The following TLE4 variants were observed in gnomAD, a reference collection of about 807,000 sequenced individuals.
The protein encoded by TLE4 is TLE family member 4, transcriptional corepressor.
TLE4 carries 8 observed loss-of-function variants against 92.8 expected under a neutral mutation model. That is an observed-to-expected ratio of 0.09 (90% CI 0.05 to 0.16). TLE4 has a LOEUF of 0.16. TLE4 is among the 10% of genes least tolerant of loss of function. The probability of loss-of-function intolerance (pLI) is 1.00; values close to 1 mark genes in which losing one functional copy is unlikely to be tolerated. For missense variants in TLE4, 675 were observed against 997.6 expected (o/e 0.68, Z 4.36); for synonymous variants, 371 against 374.1 (o/e 0.99, Z 0.10).
intron 6 of TLE4, chr9:79,649,797 G>T: frequency 7.3e-7 from 1 of 1,362,458 alleles, no homozygotes; most frequent in Non-Finnish European, 9.8e-7. Context: ...ACGATGAGTC[G>T]GTGCTTATTT....
intron 8 of TLE4, among the ~76,000 whole-genome samples, chr9:79,655,213 G>A (rs771192629): frequency 1.3e-5 from 2 of 152,292 alleles, no homozygotes; most frequent in South Asian, 2.1e-4. Context: ...TATTACATAT[G>A]CCATTGTGTT....
At chr9:79,606,184 G>GTTTTTT (rs1288414778) in intron 4 of TLE4, among the ~76,000 whole-genome samples, 11 of 18,372 alleles carry the variant, frequency 6.0e-4, no homozygotes, top group Admixed American at 2.0e-3. Flanking sequence ...AGCAGTAGTA[G>GTTTTTT]TTGTTTTTTT....
intron 8 of TLE4, among the ~76,000 whole-genome samples, chr9:79,698,217 C>T (rs1279227298): frequency 6.6e-6 from 1 of 152,150 alleles, no homozygotes. Context: ...GTCTTGAACC[C>T]AAGGCTGTCT....
chr9:79,617,670 T>C (rs2049964237), intron 5 of TLE4, among the ~76,000 whole-genome samples: 1 of 152,126 alleles, frequency 6.6e-6, no homozygotes, highest in Non-Finnish European at 1.5e-5. Flanking sequence ...TTCTTTAAAA[T>C]GTGGAGCAAA....
At chr9:79,601,061 ATAAT>A (rs1318260482) in intron 4 of TLE4, among the ~76,000 whole-genome samples, 3 of 152,222 alleles carry the variant, frequency 2.0e-5, no homozygotes, top group Non-Finnish European at 4.4e-5. Flanking sequence ...TCTGGTATAA[ATAAT>A]CTCAAGAAGG....
chr9:79,707,086 A>G, intron 11 of TLE4, 187 bp downstream of exon 11: 1 of 1,603,592 alleles, frequency 6.2e-7, no homozygotes, highest in Non-Finnish European at 8.5e-7. Context: ...CTTGTTGGTG[A>G]TGAGTGTTTA....
chr9:79,705,373 G>A (rs558389419), intron 9 of TLE4, among the ~76,000 whole-genome samples: 14 of 152,338 alleles, frequency 9.2e-5, no homozygotes, highest in Middle Eastern at 3.4e-3. Flanking sequence ...TTAGTGGCTG[G>A]GCAGGTCACA....
chr9:79,665,044 A>G (rs528795931), intron 8 of TLE4, among the ~76,000 whole-genome samples: 19 of 152,234 alleles, frequency 1.2e-4, no homozygotes, highest in Non-Finnish European at 2.2e-4. Context: ...GTATTAAAAC[A>G]GAAGTTCGAT....
intron 5 of TLE4, among the ~76,000 whole-genome samples, chr9:79,621,031 T>C (rs187182258): frequency 6.3e-4 from 96 of 152,276 alleles, no homozygotes; most frequent in African/African-American, 2.1e-3. Flanking sequence ...ACCTCCAGCA[T>C]TGGGAATTAC....
chr9:79,654,737 T>C (rs997568803), intron 8 of TLE4, among the ~76,000 whole-genome samples: 1 of 152,196 alleles, frequency 6.6e-6, no homozygotes, highest in Non-Finnish European at 1.5e-5. Context: ...TGGGATGTGC[T>C]AAGGATACCT....
Position 79,686,182 on chromosome 9 carries a change from T to G in TLE4, c.610-18601T>G, listed in dbSNP as rs1363848977. Among the ~76,000 whole-genome samples, 2 of 152,192 alleles carry G rather than the reference T, an allele frequency of 1.3e-5. 1 individual carries two copies. Among genetic ancestry groups the G allele is most frequent in the South Asian group, 4.1e-4 (2 of 4,836 alleles). On this transcript the variant is annotated intron_variant, in intron 8 of 19. Transcript: ENST00000376552. Reference sequence around the variant, plus strand: ...ATCAGGGACTTGTGTGCCCTCTGATTTTGGTATCTGCAGGGGAGAGGGAGG... The same window carrying G: ...ATCAGGGACTTGTGTGCCCTCTGATGTTGGTATCTGCAGGGGAGAGGGAGG...
intron 4 of TLE4, among the ~76,000 whole-genome samples, chr9:79,586,200 G>A (rs970367975): frequency 6.6e-6 from 1 of 151,890 alleles, no homozygotes; most frequent in African/African-American, 2.4e-5. Flanking sequence ...GTGAAACGCT[G>A]TCTCTACTAA....
At chr9:79,642,174 A>G (rs2057288466) in intron 6 of TLE4, among the ~76,000 whole-genome samples, 1 of 152,036 alleles carries the variant, frequency 6.6e-6, no homozygotes, top group South Asian at 2.1e-4. Context: ...TCTAAGATCA[A>G]ATGCAGGATT....
At chr9:79,593,288 G>T (rs2043138999) in intron 4 of TLE4, among the ~76,000 whole-genome samples, 1 of 152,132 alleles carries the variant, frequency 6.6e-6, no homozygotes, top group Non-Finnish European at 1.5e-5. Context: ...TGCTTTATGG[G>T]ATGTTTTTTT....
chr9:79,583,993 A>G (rs1319311109), intron 4 of TLE4, among the ~76,000 whole-genome samples: 1 of 152,216 alleles, frequency 6.6e-6, no homozygotes, highest in African/African-American at 2.4e-5. Context: ...TAAGGGCTTA[A>G]GAGACTAGCC....
chr9:79,718,963 G>A lies in TLE4; in HGVS notation c.1582G>A (p.Asp528Asn), dbSNP rs1181958698. The A allele has an allele frequency of 3.1e-6, 5 of 1,608,926 alleles. No individual in the cohort carries two copies. Among genetic ancestry groups the A allele is most frequent in the South Asian group, 1.1e-5 (1 of 90,928 alleles). Reference protein sequence around the residue: ...PGNKSPVSQLDCLNRDNYIRS... With the variant: ...PGNKSPVSQLNCLNRDNYIRS... ...CAATAAGAGTCCTGTCTCCCAGCTC[G>A]ACTGTCTGGTGAGTGAACATGGATG... The change falls in exon 15 of 20, where the codon GAC becomes AAC. Residue 528 changes from aspartate (D) to asparagine (N), a missense_variant. Physicochemically the swap from Asp to Asn is conservative, Grantham distance 23. Coordinates refer to ENST00000376552, the MANE Select transcript of TLE4 (RefSeq NM_007005.6).
At chr9:79,607,028 C>T (rs2047177238) in intron 4 of TLE4, among the ~76,000 whole-genome samples, 1 of 152,168 alleles carries the variant, frequency 6.6e-6, no homozygotes, top group Admixed American at 6.5e-5. Flanking sequence ...ACATCATCTC[C>T]AGCACCTGTT....
chr9:79,612,714 A>G lies in TLE4; in HGVS notation c.311A>G (p.Gln104Arg). The change falls in exon 5 of 20, where the codon CAA becomes CGA. Residue 104 changes from glutamine to arginine, a missense_variant. Gln to Arg is a conservative substitution (Grantham distance 43). Coordinates refer to ENST00000376552, the MANE Select transcript of TLE4 (RefSeq NM_007005.6). ...GCACAAGTCATTCCTTTCCTGTCCC[A>G]AGAGGTAAGGTAGTTGATTTTAGGC... is the stretch of plus-strand genomic sequence containing the variant. ...ICAQVIPFLS[Q>R]EHQQQVVQAV... The G allele has an allele frequency of 6.2e-7, 1 of 1,613,002 alleles. No homozygotes were observed. The highest frequency in any genetic ancestry group is 8.5e-7 in the Non-Finnish European group (1 of 1,179,258).
chr9:79,579,610 A>G (rs2039038635), intron 4 of TLE4, among the ~76,000 whole-genome samples: 1 of 152,182 alleles, frequency 6.6e-6, no homozygotes, highest in Non-Finnish European at 1.5e-5. Flanking sequence ...ATCTGAAAGT[A>G]AGTACTGCAC....
Sources: allele counts gnomAD v4.1 joint callset (sites outside exome capture counted in the v4.1 genomes callset), GRCh38; gene constraint gnomAD v4.1.1; transcripts MANE v1.5; gene names NCBI Gene and HGNC (gene_info 2026-07-23, HGNC 2026-07-21).